The following LHFPL3 variants were observed in gnomAD, a reference collection of about 807,000 sequenced individuals.
The protein encoded by LHFPL3 is LHFPL tetraspan subfamily member 3, also known as LHFPL tetraspan subfamily member 3 protein.
In LHFPL3, 5 loss-of-function variants were observed where a neutral mutation model predicts 19.3. The ratio of observed to expected loss-of-function variants is 0.26; its 90% CI spans 0.14 to 0.54. The LOEUF (loss-of-function observed/expected upper bound fraction) is 0.54. Among genes scored for constraint, LHFPL3 ranks in the 20% least tolerant of loss-of-function variants. The pLI, the probability that LHFPL3 is intolerant of heterozygous loss-of-function variation, is 0.94. For synonymous variants in LHFPL3, 133 were observed against 126.2 expected, an observed-to-expected ratio of 1.05 and a Z score of -0.36; for missense variants, 249 against 307.4, an observed-to-expected ratio of 0.81 and a Z score of 1.42.
chr7:104,746,540 A>G (rs913297018), intron 2 of LHFPL3, among the ~76,000 whole-genome samples: 7 of 152,220 alleles, frequency 4.6e-5, no homozygotes, highest in Admixed American at 4.6e-4. Context: ...ATCAGTAAGT[A>G]ACCCATGACA....
intron 1 of LHFPL3, among the ~76,000 whole-genome samples, chr7:104,523,159 A>G (rs896659902): frequency 5.9e-5 from 9 of 152,100 alleles, no homozygotes; most frequent in African/African-American, 2.2e-4. Context: ...TGCTTCTCAA[A>G]TTGGTCCTGG....
chr7:104,444,170 G>T (rs1584323945), intron 1 of LHFPL3, among the ~76,000 whole-genome samples: 1 of 152,166 alleles, frequency 6.6e-6, no homozygotes, highest in Admixed American at 6.5e-5. Flanking sequence ...TACCAGCCAG[G>T]GGCCATTTGT....
chr7:104,727,058 T>C (rs1456143972), intron 1 of LHFPL3, among the ~76,000 whole-genome samples: 3 of 152,250 alleles, frequency 2.0e-5, no homozygotes, highest in Non-Finnish European at 2.9e-5. Flanking sequence ...ATTGTCGTTT[T>C]GATATGCATT....
intron 1 of LHFPL3, among the ~76,000 whole-genome samples, chr7:104,717,637 T>TA (rs925370691): frequency 1.6e-4 from 24 of 151,712 alleles, no homozygotes; most frequent in South Asian, 6.2e-4. Flanking sequence ...ATGACTACTA[T>TA]AAAAAAAAGG....
chr7:104,385,916 C>T (rs998384316), intron 1 of LHFPL3, among the ~76,000 whole-genome samples: 1 of 151,268 alleles, frequency 6.6e-6, no homozygotes, highest in African/African-American at 2.4e-5. Context: ...AATTACTCCT[C>T]CATAAAAGCA....
intron 1 of LHFPL3, among the ~76,000 whole-genome samples, chr7:104,465,732 C>T (rs896210116): frequency 3.3e-5 from 5 of 152,154 alleles, no homozygotes; most frequent in Admixed American, 3.3e-4. Context: ...CACTGGGTCC[C>T]TCCCATGACA....
chr7:104,563,053 C>T (rs979865107), intron 1 of LHFPL3, among the ~76,000 whole-genome samples: 4 of 152,174 alleles, frequency 2.6e-5, no homozygotes, highest in Admixed American at 2.6e-4. Flanking sequence ...AGATCTCCAG[C>T]TGCGTGCTGG....
chr7:104,715,661 T>C (rs1490915226), intron 1 of LHFPL3, among the ~76,000 whole-genome samples: 2 of 152,254 alleles, frequency 1.3e-5, no homozygotes, highest in Non-Finnish European at 2.9e-5. Context: ...ATGTGATTTT[T>C]ATCCATTATT....
At chr7:104,803,712 G>T (rs1466068799) in intron 2 of LHFPL3, among the ~76,000 whole-genome samples, 1 of 152,192 alleles carries the variant, frequency 6.6e-6, no homozygotes, top group African/African-American at 2.4e-5. Flanking sequence ...TGCACAAACT[G>T]CCCAACTATA....
intron 1 of LHFPL3, among the ~76,000 whole-genome samples, chr7:104,593,446 G>T (rs1790770426): frequency 6.6e-6 from 1 of 152,146 alleles, no homozygotes; most frequent in African/African-American, 2.4e-5. Context: ...GCTGAGGAGT[G>T]CTTTACTTCC....
At chr7:104,435,698 C>T (rs1016641558) in intron 1 of LHFPL3, among the ~76,000 whole-genome samples, 1 of 151,718 alleles carries the variant, frequency 6.6e-6, no homozygotes, top group Non-Finnish European at 1.5e-5. Flanking sequence ...TGTTGAATAT[C>T]TCTTCTCTTT....
intron 1 of LHFPL3, among the ~76,000 whole-genome samples, chr7:104,420,091 TG>T (rs1389057118): frequency 6.6e-6 from 1 of 152,232 alleles, no homozygotes; most frequent in East Asian, 1.9e-4. Context: ...CTCAGTCGTG[TG>T]GAAGACCCCA....
At chr7:104,880,798 T>A (rs1792035464) in intron 2 of LHFPL3, among the ~76,000 whole-genome samples, 1 of 152,194 alleles carries the variant, frequency 6.6e-6, no homozygotes, top group Non-Finnish European at 1.5e-5. Context: ...GTTGTTTTCA[T>A]GCCAGTTAAT....
At chr7:104,834,725 G>A (rs1791058448) in intron 2 of LHFPL3, among the ~76,000 whole-genome samples, 1 of 151,932 alleles carries the variant, frequency 6.6e-6, no homozygotes, top group Admixed American at 6.5e-5. Context: ...AATCCATTCA[G>A]CATGGCCCAT....
At chr7:104,676,670 CATAA>C (rs1293623608) in intron 1 of LHFPL3, among the ~76,000 whole-genome samples, 3 of 152,172 alleles carry the variant, frequency 2.0e-5, no homozygotes, top group Non-Finnish European at 4.4e-5. Context: ...TAGCCTCAGT[CATAA>C]ATAAATAACA....
intron 1 of LHFPL3, among the ~76,000 whole-genome samples, chr7:104,683,253 G>A (rs1792745090): frequency 6.6e-6 from 1 of 152,188 alleles, no homozygotes; most frequent in South Asian, 2.1e-4. Flanking sequence ...GCCTCACAAA[G>A]TGCTGGGAAT....
intron 1 of LHFPL3, among the ~76,000 whole-genome samples, chr7:104,644,646 A>C (rs1327992645): frequency 2.0e-5 from 3 of 152,210 alleles, no homozygotes; most frequent in African/African-American, 7.2e-5. Context: ...TGTGATATCC[A>C]GCAGGAGTCA....
chr7:104,669,411 G>C, intron 1 of LHFPL3: 18 of 1,613,618 alleles, frequency 1.1e-5, no homozygotes, highest in Non-Finnish European at 1.5e-5. Context: ...ACCACTGGAA[G>C]GAGTCAGATA....
intron 2 of LHFPL3, among the ~76,000 whole-genome samples, chr7:104,780,094 C>T (rs1794694867): frequency 6.6e-6 from 1 of 152,196 alleles, no homozygotes; most frequent in Non-Finnish European, 1.5e-5. Flanking sequence ...CCAGTGGCCC[C>T]TCCTCTTGTG....
Sources: gnomAD v4.1 joint callset for allele counts (sites outside exome capture counted in the v4.1 genomes callset) on GRCh38, gnomAD v4.1.1 for gene constraint, MANE v1.5 for transcripts, NCBI Gene and HGNC (gene_info 2026-07-23, HGNC 2026-07-21) for gene names.